TANC1: variants seen among roughly 807,000 people sequenced by gnomAD.
The protein encoded by TANC1 is protein TANC1.
A neutral mutation model predicts 149.7 loss-of-function variants in TANC1; 77 were observed. The observed-to-expected ratio is 0.51, with a 90% CI of 0.43 to 0.62. The LOEUF is 0.62. TANC1 is among the 20% of genes least tolerant of loss of function. The pLI, the probability that TANC1 is intolerant of heterozygous loss-of-function variation, is 0.00. For synonymous variants in TANC1, 854 were observed against 925.0 expected, an observed-to-expected ratio of 0.92 and a Z score of 1.39; for missense variants, 1,985 against 2,321.8, an observed-to-expected ratio of 0.85 and a Z score of 2.98.
chr2:159,187,340 A>AT (rs2057069853), intron 16 of TANC1, among the ~76,000 whole-genome samples: 1 of 152,214 alleles, frequency 6.6e-6, no homozygotes, highest in African/African-American at 2.4e-5. Flanking sequence ...GGGAAAACGG[A>AT]TTTTTTAAGT....
At chr2:159,214,451 G>T (rs1388563320) in intron 19 of TANC1, among the ~76,000 whole-genome samples, 2 of 152,174 alleles carry the variant, frequency 1.3e-5, no homozygotes, top group African/African-American at 2.4e-5. Flanking sequence ...TCTCTCACCT[G>T]CTGAGAACCA....
chr2:159,025,616 G>A (rs1006478469), intron 2 of TANC1, among the ~76,000 whole-genome samples: 3 of 152,126 alleles, frequency 2.0e-5, no homozygotes, highest in African/African-American at 7.2e-5. Flanking sequence ...GTTAACACAG[G>A]TTTCAGTATC....
chr2:158,982,694 ACCT>A (rs1311699134), intron 1 of TANC1, among the ~76,000 whole-genome samples: 5 of 152,216 alleles, frequency 3.3e-5, no homozygotes, highest in Non-Finnish European at 7.3e-5. Flanking sequence ...TGCAGCTTCA[ACCT>A]CCTGGGCTCA....
At position 159,026,022 on chromosome 2, in the gene TANC1, G is replaced by A. The variant is rs145607159; in HGVS notation, c.-16+24833G>A. Among the ~76,000 whole-genome samples the A allele has an allele frequency of 1.3e-4, 20 of 152,288 alleles. No individual in the cohort carries two copies. In the East Asian group the frequency reaches 3.7e-3, roughly 28 times the overall value. On this transcript the variant is annotated intron_variant, in intron 2 of 26. Transcript: ENST00000263635. ...TGATCATAGCTCACTGAAGCCTCCAGTCCTGGGCTCAAGCGATCATCTTGC... is the reference window on the plus strand; with the variant it reads ...TGATCATAGCTCACTGAAGCCTCCAATCCTGGGCTCAAGCGATCATCTTGC...
rs570777424 is a variant in TANC1 at position 159,043,305 on chromosome 2, C to T, written c.-15-22591C>T. Among the ~76,000 whole-genome samples the T allele has an allele frequency of 2.5e-3, 375 of 152,102 alleles. 1 individual carries two copies. Among genetic ancestry groups the T allele is most frequent in the African/African-American group, 8.7e-3 (360 of 41,488 alleles). On this transcript the variant is annotated intron_variant, in intron 2 of 26. Transcript: ENST00000263635. ...TTTGCCAGCTTTCTATGGTCATCTT[C>T]TTGGGAGGAACTTACGGGCATCCCT...
chr2:159,228,758 A>G (rs2060169902), intron 25 of TANC1, 38 bp from the exon 26 acceptor site: 3 of 1,478,522 alleles, frequency 2.0e-6, no homozygotes, highest in Non-Finnish European at 2.8e-6. Flanking sequence ...TCGTGTGTCC[A>G]GGCTGCTTCT....
At chr2:159,088,421 T>C (rs1410034199) in intron 3 of TANC1, among the ~76,000 whole-genome samples, 1 of 152,230 alleles carries the variant, frequency 6.6e-6, no homozygotes, top group African/African-American at 2.4e-5. Context: ...TTCCCGAGCT[T>C]ATTCTCTTTA....
intron 1 of TANC1, among the ~76,000 whole-genome samples, chr2:158,990,889 A>G (rs1299252537): frequency 6.6e-6 from 1 of 152,002 alleles, no homozygotes; most frequent in South Asian, 2.1e-4. Context: ...CCTGGGCAAC[A>G]TGGCAAACCC....
intron 19 of TANC1, among the ~76,000 whole-genome samples, chr2:159,215,845 G>A (rs1003408710): frequency 1.3e-5 from 2 of 152,216 alleles, no homozygotes; most frequent in African/African-American, 4.8e-5. Flanking sequence ...GCCACATGGT[G>A]TTTATTCTTG....
At chr2:159,063,514 A>C (rs1216222037) in intron 2 of TANC1, among the ~76,000 whole-genome samples, 3 of 152,200 alleles carry the variant, frequency 2.0e-5, no homozygotes, top group African/African-American at 7.2e-5. Context: ...CTTGCTGGGA[A>C]GACTTACTTT....
At chr2:159,216,836 G>C (rs2059381391) in intron 19 of TANC1, among the ~76,000 whole-genome samples, 1 of 152,088 alleles carries the variant, frequency 6.6e-6, no homozygotes, top group African/African-American at 2.4e-5. Context: ...TCTTTAACAA[G>C]GGGGGAGTGA....
intron 5 of TANC1, 27 bp downstream of exon 5, chr2:159,136,325 C>CAAAT: frequency 7.8e-7 from 1 of 1,290,306 alleles, no homozygotes; most frequent in South Asian, 1.2e-5. Context: ...TTTCCTTCCC[C>CAAAT]CTCTACCAAA....
rs2059986647 is a variant in TANC1, at chr2:159,225,788, T to G, written c.3903+9T>G. ...GAAATGTGATGTACAAAGTAAGTGG[T>G]TCCGCCCTTTTCTTTGCCATTGAAA... is the stretch of plus-strand genomic sequence containing the variant. On this transcript the variant is annotated intron_variant, in intron 24 of 26. Coordinates refer to ENST00000263635, the MANE Select transcript of TANC1 (RefSeq NM_033394.3). 3.1e-6 allele frequency: 5 copies of G among 1,603,926 alleles called. No homozygotes were observed. The highest frequency in any genetic ancestry group is 4.3e-6 in the Non-Finnish European group (5 of 1,171,218).
At chr2:159,019,325 C>T (rs1198003170) in intron 2 of TANC1, among the ~76,000 whole-genome samples, 3 of 152,218 alleles carry the variant, frequency 2.0e-5, no homozygotes, top group African/African-American at 4.8e-5. Flanking sequence ...AGAGATTCTG[C>T]ACCGGTAGTT....
chr2:159,061,660 T>TTATGCC (rs1351366571), intron 2 of TANC1, among the ~76,000 whole-genome samples: 1 of 152,246 alleles, frequency 6.6e-6, no homozygotes, highest in African/African-American at 2.4e-5. Flanking sequence ...AATAAATTTG[T>TTATGCC]TATGCCTTTC....
intron 4 of TANC1, among the ~76,000 whole-genome samples, chr2:159,127,036 T>C (rs2049522319): frequency 6.6e-6 from 1 of 152,248 alleles, no homozygotes. Context: ...ATTGTACTCA[T>C]GATGCTATAA....
rs925044099 is a variant in TANC1 at position 159,231,701 on chromosome 2, A to T, written c.*689A>T. ...GCTTGAAGGTGTTTTTGATATTTGG[A>T]AACAGTATAAGCCATTTGGAGTCAT... On this transcript the variant is annotated 3_prime_UTR_variant, in exon 27 of 27. Transcript: ENST00000263635. 2 of 152,068 alleles carry T rather than the reference A, an allele frequency of 1.3e-5. No homozygotes were observed. The highest frequency in any genetic ancestry group is 4.1e-4 in the South Asian group (2 of 4,828). The allele number at this position is 152,068 out of a possible 1,614,324, so 9.4% of individuals were successfully genotyped here. A position where few individuals can be genotyped will look rare whatever the true frequency, so the allele number is the denominator to read the frequency against.
intron 1 of TANC1, among the ~76,000 whole-genome samples, chr2:158,988,658 CA>C (rs1206105868): frequency 2.0e-5 from 3 of 152,156 alleles, no homozygotes; most frequent in African/African-American, 7.2e-5. Context: ...TTGGTTTACT[CA>C]GTCACTTAAC....
In TANC1 at chr2:159,203,289, C is replaced by T. The variant is rs576247837; in HGVS notation, c.3244+4236C>T. ...TGGTGCAATCTTGGCTCACTGCAAC[C>T]TCCAACTCCCTGGTTCAAGGGCTTC... On this transcript the variant is annotated intron_variant, in intron 19 of 26. Transcript: ENST00000263635. Among the ~76,000 whole-genome samples, 3 of 151,738 alleles carry T rather than the reference C, an allele frequency of 2.0e-5. No individual in the cohort carries two copies. The East Asian group carries it at 5.8e-4, about 29-fold the overall frequency.
Sources: allele counts gnomAD v4.1 joint callset (sites outside exome capture counted in the v4.1 genomes callset), GRCh38; gene constraint gnomAD v4.1.1; transcripts MANE v1.5; gene names NCBI Gene and HGNC (gene_info 2026-07-23, HGNC 2026-07-21).